Variants in UGT1A10 observed in about 807,000 individuals in gnomAD.
UGT1A10 encodes UDP-glucuronosyltransferase 1A10.
UGT1A10 carries 49 observed loss-of-function variants against 45.8 expected under a neutral mutation model. The observed-to-expected ratio is 1.07, with a 90% CI of 0.85 to 1.36. UGT1A10 has a LOEUF of 1.36. Ranked by LOEUF, UGT1A10 falls within the 40% of genes most tolerant of loss-of-function variation. UGT1A10 has a pLI of 0.00. For synonymous variants in UGT1A10, 284 were observed against 249.7 expected (o/e 1.14, Z -1.29); for missense variants, 745 against 668.6 (o/e 1.11, Z -1.26).
intron 1 of UGT1A10, among the ~76,000 whole-genome samples, chr2:233,727,486 G>T (rs2077620182): frequency 6.6e-6 from 1 of 152,192 alleles, no homozygotes; most frequent in Non-Finnish European, 1.5e-5. Flanking sequence ...ACTACTTGGA[G>T]GTAGAACATG....
intron 1 of UGT1A10, among the ~76,000 whole-genome samples, chr2:233,715,946 TTGAC>T (rs1026670441): frequency 8.5e-5 from 13 of 152,220 alleles, no homozygotes; most frequent in African/African-American, 2.9e-4. Flanking sequence ...TTGTGGTTTG[TTGAC>T]TGACTGACTG....
chr2:233,725,035 A>C lies in UGT1A10; in HGVS notation c.856-41999A>C, dbSNP rs1161342472. 1.1e-4 allele frequency among the ~76,000 whole-genome samples: 17 copies of C among 148,286 alleles called. 1 individual carries two copies. The highest frequency in any genetic ancestry group is 4.0e-4 in the African/African-American group (16 of 39,830). On this transcript the variant is annotated intron_variant, in intron 1 of 4. Transcript: ENST00000344644. ...AAACAGCAAAACCCGGTCTCCACCA[A>C]AACCAGTCAGGCGTGGCGGCGCGCG... is the stretch of plus-strand genomic sequence containing the variant.
intron 1 of UGT1A10, among the ~76,000 whole-genome samples, chr2:233,761,978 G>A (rs947618547): frequency 6.6e-6 from 1 of 152,138 alleles, no homozygotes; most frequent in Non-Finnish European, 1.5e-5. Flanking sequence ...TATCACCTTC[G>A]GAGGTGACCT....
At chr2:233,704,886 C>A (rs2075811703) in intron 1 of UGT1A10, among the ~76,000 whole-genome samples, 1 of 152,124 alleles carries the variant, frequency 6.6e-6, no homozygotes, top group Admixed American at 6.5e-5. Context: ...GTAATCCCAG[C>A]ACTTTGGAAG....
At chr2:233,681,786 A>C in intron 1 of UGT1A10, 1 of 1,449,466 alleles carries the variant, frequency 6.9e-7, no homozygotes, top group Non-Finnish European at 9.1e-7. Context: ...TATTATTATG[A>C]GTAAATCATT....
At chr2:233,719,789 A>T in intron 1 of UGT1A10, 1 of 1,609,250 alleles carries the variant, frequency 6.2e-7, no homozygotes, top group South Asian at 1.1e-5. Context: ...CTTTCCAAAG[A>T]TTTTATTTTG....
Position 233,696,065 on chromosome 2 carries a change from A to G in UGT1A10, c.855+58688A>G, listed in dbSNP as rs189342937. Among the ~76,000 whole-genome samples the G allele has an allele frequency of 2.0e-5, 3 of 152,352 alleles. No individual in the cohort carries two copies. The East Asian group carries it at 5.8e-4, about 29-fold the overall frequency. On this transcript the variant is annotated intron_variant, in intron 1 of 4. Coordinates refer to ENST00000344644, the MANE Select transcript of UGT1A10 (RefSeq NM_019075.4). ...TTGAAGAATGTAAATTAGTACAGCC[A>G]CTATGAAGAACAGTATGGAGAGTCT...
chr2:233,713,031 A>C, intron 1 of UGT1A10: 1 of 1,613,936 alleles, frequency 6.2e-7, no homozygotes, highest in South Asian at 1.1e-5. Flanking sequence ...GCAGCTGGCC[A>C]CAGGACTGCT....
chr2:233,768,814 C>T (rs1699733347), intron 4 of UGT1A10, among the ~76,000 whole-genome samples: 1 of 152,052 alleles, frequency 6.6e-6, no homozygotes, highest in African/African-American at 2.4e-5. Context: ...GAACTCCTGA[C>T]TTCAGGTGAT....
intron 1 of UGT1A10, among the ~76,000 whole-genome samples, chr2:233,757,709 C>T (rs1363556307): frequency 2.0e-5 from 3 of 151,302 alleles, no homozygotes; most frequent in Admixed American, 6.6e-5. Context: ...CTTTGCTTCC[C>T]GGGAGGGTCC....
chr2:233,693,457 A>G, intron 1 of UGT1A10: 1 of 1,614,086 alleles, frequency 6.2e-7, no homozygotes, highest in African/African-American at 1.3e-5. Context: ...TCACAGACCC[A>G]GCCTTACCCT....
chr2:233,743,534 T>C, intron 1 of UGT1A10: 1 of 1,367,218 alleles, frequency 7.3e-7, no homozygotes, highest in Non-Finnish European at 9.8e-7. Flanking sequence ...CCCCAGCAGT[T>C]CCTCTGACCC....
intron 1 of UGT1A10, among the ~76,000 whole-genome samples, chr2:233,670,297 G>A: frequency 6.6e-6 from 1 of 152,212 alleles, no homozygotes; most frequent in East Asian, 1.9e-4. Flanking sequence ...GGCAGAGGGG[G>A]AAGAAGTGGA....
intron 1 of UGT1A10, among the ~76,000 whole-genome samples, chr2:233,736,806 A>C (rs1345730820): frequency 6.6e-6 from 1 of 152,210 alleles, no homozygotes; most frequent in African/African-American, 2.4e-5. Context: ...AGTTTGCTGG[A>C]GGTCCACTCC....
At chr2:233,639,047 C>A (rs1459227270) in intron 1 of UGT1A10, among the ~76,000 whole-genome samples, 3 of 152,172 alleles carry the variant, frequency 2.0e-5, no homozygotes, top group Admixed American at 2.0e-4. Flanking sequence ...CTTCCTGAAC[C>A]CACGCTGAGT....
chr2:233,747,362 G>T lies in UGT1A10; in HGVS notation c.856-19672G>T. 4 of 1,603,780 alleles carry T rather than the reference G, an allele frequency of 2.5e-6. No homozygotes were observed. In the South Asian group the frequency reaches 4.4e-5, roughly 18 times the overall value. On this transcript the variant is annotated intron_variant, in intron 1 of 4. Coordinates refer to ENST00000344644, the MANE Select transcript of UGT1A10 (RefSeq NM_019075.4). ...CTCGCATGCGGGAGGCCGTGCGGGA[G>T]CTCCATGCCAGAGGCCACCAGGCGG...
At chr2:233,656,637 A>T (rs11892031) in intron 1 of UGT1A10, among the ~76,000 whole-genome samples, 119 of 152,208 alleles carry the variant, frequency 7.8e-4, no homozygotes, top group African/African-American at 2.8e-3. Context: ...AAGTCCACTG[A>T]GTCCATCTCA....
intron 1 of UGT1A10, chr2:233,747,664 T>C (rs942017762): frequency 1.4e-5 from 23 of 1,600,812 alleles, no homozygotes; most frequent in South Asian, 1.4e-4. Flanking sequence ...GTGGTTTTAA[T>C]AGACCCAATT....
chr2:233,639,688 C>T (rs6738678), intron 1 of UGT1A10, among the ~76,000 whole-genome samples: 41,684 of 150,248 alleles, frequency 0.28, 6,026 homozygotes, highest in East Asian at 0.52. Flanking sequence ...AACAAAATCT[C>T]CTTGAGTCTA....
Sources: allele counts gnomAD v4.1 joint callset (sites outside exome capture counted in the v4.1 genomes callset), GRCh38; gene constraint gnomAD v4.1.1; transcripts MANE v1.5; gene names NCBI Gene and HGNC (gene_info 2026-07-23, HGNC 2026-07-21).